The following ARHGAP20 variants were observed in gnomAD, a reference collection of about 807,000 sequenced individuals.
The protein encoded by ARHGAP20 is rho GTPase-activating protein 20.
Under a neutral mutation model 73.7 loss-of-function variants are expected in ARHGAP20, and 34 were observed. That is an observed-to-expected ratio of 0.46 (90% CI 0.35 to 0.61). The LOEUF (loss-of-function observed/expected upper bound fraction) is 0.61. ARHGAP20 is among the 20% of genes least tolerant of loss of function. ARHGAP20 has a pLI of 0.00. For synonymous variants in ARHGAP20, 523 were observed against 518.2 expected (o/e 1.01, Z -0.13); for missense variants, 1,314 against 1,420.9 (o/e 0.92, Z 1.21).
chr11:110,606,528 C>G lies in ARHGAP20; in HGVS notation c.964+33G>C, dbSNP rs1948233383. ...TTTGCCTTTGTACTAAATTTATGTT[C>G]AAGAACGAAAACTTTTGCTAGAAGC... On this transcript the variant is annotated intron_variant, in intron 9 of 14. Coordinates refer to ENST00000683387, the MANE Select transcript of ARHGAP20 (RefSeq NM_001384657.1). 5 of 1,588,676 alleles carry G rather than the reference C, an allele frequency of 3.1e-6. No individual in the cohort carries two copies. The East Asian group carries it at 1.1e-4, about 36-fold the overall frequency.
At chr11:110,672,275 T>A (rs1234937460) in intron 2 of ARHGAP20, among the ~76,000 whole-genome samples, 1 of 152,074 alleles carries the variant, frequency 6.6e-6, no homozygotes, top group Non-Finnish European at 1.5e-5. Context: ...AGGACCTATA[T>A]CCAAAATACA....
intron 2 of ARHGAP20, among the ~76,000 whole-genome samples, chr11:110,640,446 A>G (rs975051085): frequency 3.3e-5 from 5 of 152,008 alleles, no homozygotes; most frequent in African/African-American, 1.2e-4. Context: ...TCCAGATATC[A>G]TTTGGAACAA....
At chr11:110,624,814 C>T (rs1948702477) in intron 3 of ARHGAP20, among the ~76,000 whole-genome samples, 1 of 152,056 alleles carries the variant, frequency 6.6e-6, no homozygotes, top group Admixed American at 6.6e-5. Flanking sequence ...AACAGTTAGT[C>T]CTCATGCCTG....
intron 3 of ARHGAP20, among the ~76,000 whole-genome samples, chr11:110,627,554 T>A (rs1948772272): frequency 6.6e-6 from 1 of 152,192 alleles, no homozygotes; most frequent in Non-Finnish European, 1.5e-5. Context: ...AAGATAGGGA[T>A]GTCTTATTAA....
chr11:110,599,520 A>G (rs1948058093), intron 9 of ARHGAP20, among the ~76,000 whole-genome samples: 1 of 152,206 alleles, frequency 6.6e-6, no homozygotes, highest in African/African-American at 2.4e-5. Flanking sequence ...AGCAGGAGGC[A>G]GAAAGGTTCC....
chr11:110,679,472 A>C (rs2135089580), intron 2 of ARHGAP20, among the ~76,000 whole-genome samples: 1 of 152,338 alleles, frequency 6.6e-6, no homozygotes, highest in African/African-American at 2.4e-5. Context: ...TGACCTTTGC[A>C]CTGAAAGAGG....
chr11:110,597,037 C>A (rs1397653362), intron 9 of ARHGAP20, among the ~76,000 whole-genome samples: 1 of 150,084 alleles, frequency 6.7e-6, no homozygotes, highest in African/African-American at 2.5e-5. Flanking sequence ...AAACTATCGC[C>A]AGGACAAAAA....
chr11:110,677,634 G>A (rs1312886139), intron 2 of ARHGAP20, among the ~76,000 whole-genome samples: 1 of 151,532 alleles, frequency 6.6e-6, no homozygotes, highest in African/African-American at 2.4e-5. Flanking sequence ...GACAGAGCAA[G>A]ACTCTGTCTC....
At position 110,619,314 on chromosome 11, in the gene ARHGAP20, AGTGTATGCAGTGATAGG is replaced by A. The variant is rs1208322102; in HGVS notation, c.504-3737_504-3721del. On this transcript the variant is annotated intron_variant, in intron 4 of 14. Coordinates refer to ENST00000683387, the MANE Select transcript of ARHGAP20 (RefSeq NM_001384657.1). ...ATATGCAGTGATAGCATATATGTAG[AGTGTATGCAGTGATAGG>A]GTATATGCAGTGATAGAGTATATGT... 4.3e-5 allele frequency among the ~76,000 whole-genome samples: 6 copies of A among 138,030 alleles called. No individual in the cohort carries two copies. In the East Asian group the frequency reaches 1.3e-3, roughly 31 times the overall value. The allele number at this position is 138,030 out of a possible 152,430, so 90.6% of individuals were successfully genotyped here. A position where few individuals can be genotyped will look rare whatever the true frequency, so the allele number is the denominator to read the frequency against.
At chr11:110,648,482 G>T (rs554928843) in intron 2 of ARHGAP20, among the ~76,000 whole-genome samples, 34 of 133,172 alleles carry the variant, frequency 2.6e-4, no homozygotes, top group African/African-American at 9.1e-4. Flanking sequence ...ACCATAACAT[G>T]AATTTTTTTT....
chr11:110,641,283 G>A lies in ARHGAP20; in HGVS notation c.189-10491C>T, dbSNP rs560775316. On this transcript the variant is annotated intron_variant, in intron 2 of 14. Coordinates refer to ENST00000683387, the MANE Select transcript of ARHGAP20 (RefSeq NM_001384657.1). ...TCAGAGAAGGACACTAATACACAGA[G>A]TCACACTAATAGAGTGAGATCCATA... Among the ~76,000 whole-genome samples the A allele has an allele frequency of 3.0e-4, 46 of 152,154 alleles. 1 individual carries two copies. The highest frequency in any genetic ancestry group is 2.8e-3 in the Admixed American group (42 of 15,236).
At chr11:110,688,109 T>C (rs1424635170) in intron 2 of ARHGAP20, among the ~76,000 whole-genome samples, 1 of 152,208 alleles carries the variant, frequency 6.6e-6, no homozygotes, top group Non-Finnish European at 1.5e-5. Flanking sequence ...ATATGTTATA[T>C]AGGGGACTTT....
At chr11:110,611,470 G>C in intron 6 of ARHGAP20, 84 bp from the exon 7 acceptor site, 4 of 661,380 alleles carry the variant, frequency 6.0e-6, no homozygotes, top group Non-Finnish European at 9.6e-6. Context: ...AATGATTATC[G>C]AAAGGCAAAT....
intron 2 of ARHGAP20, among the ~76,000 whole-genome samples, chr11:110,662,952 T>G (rs1427679815): frequency 6.6e-6 from 1 of 151,956 alleles, no homozygotes; most frequent in African/African-American, 2.4e-5. Context: ...TAAGCAATCC[T>G]GTATACCAAA....
Position 110,577,190 on chromosome 11 carries a change from T to C in ARHGAP20, c.*2180A>G. ...AAATACACATTTATTACATAACATA[T>C]GGTAGTAAAATTTGTCAAGATATAT... On this transcript the variant is annotated 3_prime_UTR_variant, in exon 15 of 15. Transcript: ENST00000683387. 6.5e-7 allele frequency: 1 copy of C among 1,528,804 alleles called. No homozygotes were observed. The highest frequency in any genetic ancestry group is 8.7e-7 in the Non-Finnish European group (1 of 1,143,010). 94.7% of individuals were successfully genotyped at this position (1,528,804 alleles called of 1,614,324 possible). A position where few individuals can be genotyped will look rare whatever the true frequency, so the allele number is the denominator to read the frequency against.
At position 110,580,359 on chromosome 11, in the gene ARHGAP20, T is replaced by C; in HGVS notation, c.2587A>G (p.Ile863Val). 5 of 1,614,238 alleles carry C rather than the reference T, an allele frequency of 3.1e-6. No homozygotes were observed. The highest frequency in any genetic ancestry group is 4.2e-6 in the Non-Finnish European group (5 of 1,180,036). Reference sequence around the variant, plus strand: ...GTTTTATGTTGTTTCTTTGAATAAATTCCCCTGAGATAGGTCAGCTTGCGG... The same window carrying C: ...GTTTTATGTTGTTTCTTTGAATAAACTCCCCTGAGATAGGTCAGCTTGCGG... ...QNRKLTYLRG[I>V]YSKKQHKTSC... The change falls in exon 15 of 15, where the codon ATT becomes GTT. Residue 863 changes from isoleucine to valine, a missense_variant. Ile to Val is a conservative substitution (Grantham distance 29). This residue lies in a region of ARHGAP20 where 641 missense variants were observed against 636.9 expected (regional missense o/e 1.01). Transcript: ENST00000683387.
rs767575077 is a variant in ARHGAP20, at chr11:110,592,164, G to A, written c.965-9C>T. 1 of 1,602,516 alleles carries A rather than the reference G, an allele frequency of 6.2e-7. No individual in the cohort carries two copies. The highest frequency in any genetic ancestry group is 8.5e-7 in the Non-Finnish European group (1 of 1,172,640). On this transcript the variant is annotated splice_polypyrimidine_tract_variant and intron_variant, in intron 9 of 14. Transcript: ENST00000683387. ...TGTCTTATGACCTGAATCTAAGGAA[G>A]AAGTGAGCTTATTAGAAAAATGAGT...
chr11:110,678,264 T>C (rs1949971823), intron 2 of ARHGAP20, among the ~76,000 whole-genome samples: 1 of 152,244 alleles, frequency 6.6e-6, no homozygotes, highest in Non-Finnish European at 1.5e-5. Context: ...CATTTCTTTT[T>C]TGGGGATGAA....
intron 1 of ARHGAP20, among the ~76,000 whole-genome samples, chr11:110,701,301 C>T (rs1314907717): frequency 6.7e-6 from 1 of 150,138 alleles, no homozygotes; most frequent in Admixed American, 6.6e-5. Flanking sequence ...GATGGTATCT[C>T]ATTGTGGTTT....
Sources: allele counts gnomAD v4.1 joint callset (sites outside exome capture counted in the v4.1 genomes callset), GRCh38; gene constraint gnomAD v4.1.1; regional missense constraint gnomAD v4.1.1; transcripts MANE v1.5; gene names NCBI Gene and HGNC (gene_info 2026-07-23, HGNC 2026-07-21).